Variants in ITGA8 observed in about 807,000 individuals in gnomAD.
ITGA8 encodes integrin subunit alpha 8, also known as integrin alpha-8.
ITGA8 carries 91 observed loss-of-function variants against 142.3 expected under a neutral mutation model. The ratio of observed to expected loss-of-function variants is 0.64; its 90% confidence interval spans 0.54 to 0.76. The LOEUF (loss-of-function observed/expected upper bound fraction) is 0.76, where lower values mean the gene tolerates loss of function less well. Ranked by LOEUF, ITGA8 falls within the 30% of genes least tolerant of loss-of-function variation. ITGA8 has a pLI of 0.00. For missense variants in ITGA8, 1,406 were observed against 1,327.7 expected, an observed-to-expected ratio of 1.06 and a Z score of -0.92; for synonymous variants, 505 against 485.2, an observed-to-expected ratio of 1.04 and a Z score of -0.54.
At chr10:15,558,324 G>T in intron 25 of ITGA8, 122 bp from the exon 26 acceptor site, 1 of 1,102,526 alleles carries the variant, frequency 9.1e-7, no homozygotes, top group Non-Finnish European at 1.3e-6. Context: ...TGAGGATCCA[G>T]ACCTGTGATT....
At chr10:15,699,109 C>A (rs1835111387) in intron 2 of ITGA8, among the ~76,000 whole-genome samples, 1 of 152,144 alleles carries the variant, frequency 6.6e-6, no homozygotes, top group Non-Finnish European at 1.5e-5. Context: ...CATGGTGAAA[C>A]CTCACCTCTA....
intron 2 of ITGA8, among the ~76,000 whole-genome samples, chr10:15,709,385 T>A (rs958380539): frequency 6.6e-6 from 1 of 152,206 alleles, no homozygotes; most frequent in Non-Finnish European, 1.5e-5. Context: ...TAAACCTTAC[T>A]TGGGACTAAG....
At chr10:15,603,598 G>A (rs1467133274) in intron 20 of ITGA8, among the ~76,000 whole-genome samples, 2 of 152,188 alleles carry the variant, frequency 1.3e-5, no homozygotes, top group African/African-American at 4.8e-5. Context: ...GAAGATTCAT[G>A]TTCTGATAAG....
intron 2 of ITGA8, among the ~76,000 whole-genome samples, chr10:15,707,347 G>T (rs1835278604): frequency 1.3e-5 from 2 of 152,184 alleles, no homozygotes. Flanking sequence ...AGTGGAAGAA[G>T]ATGTTGCTGC....
intron 13 of ITGA8, among the ~76,000 whole-genome samples, chr10:15,636,080 C>T (rs890311099): frequency 6.6e-6 from 1 of 152,094 alleles, no homozygotes; most frequent in African/African-American, 2.4e-5. Flanking sequence ...GGCCTTCTGC[C>T]CATGTTTTCC....
chr10:15,620,488 C>T (rs544630300), intron 13 of ITGA8, among the ~76,000 whole-genome samples: 1 of 152,110 alleles, frequency 6.6e-6, no homozygotes, highest in Non-Finnish European at 1.5e-5. Flanking sequence ...ATTTTTTCTA[C>T]TCTGGAAAAA....
chr10:15,536,845 G>A (rs1364587197), intron 27 of ITGA8, among the ~76,000 whole-genome samples: 2 of 152,182 alleles, frequency 1.3e-5, no homozygotes, highest in African/African-American at 4.8e-5. Flanking sequence ...AAACGGAGGA[G>A]TTAGCGACCT....
At chr10:15,718,936 C>T in intron 1 of ITGA8, 37 bp from the exon 2 acceptor site, 1 of 1,613,328 alleles carries the variant, frequency 6.2e-7, no homozygotes, top group Non-Finnish European at 8.5e-7. Flanking sequence ...CTTTGGGCGC[C>T]ACAAAACCGT....
intron 20 of ITGA8, among the ~76,000 whole-genome samples, chr10:15,603,439 G>A (rs998656207): frequency 4.6e-5 from 7 of 152,192 alleles, no homozygotes; most frequent in Admixed American, 2.0e-4. Flanking sequence ...CCTATGAAAG[G>A]AAACGTGAAA....
intron 26 of ITGA8, among the ~76,000 whole-genome samples, chr10:15,553,711 AG>A (rs1257848043): frequency 4.6e-5 from 7 of 152,158 alleles, no homozygotes; most frequent in African/African-American, 1.2e-4. Context: ...GACTAAAAAA[AG>A]TTATCCAGCT....
chr10:15,648,036 A>G (rs189016661), intron 11 of ITGA8, among the ~76,000 whole-genome samples: 1 of 152,238 alleles, frequency 6.6e-6, no homozygotes, highest in African/African-American at 2.4e-5. Context: ...GAGAAAAAAT[A>G]AAAAAGTGGT....
At chr10:15,528,570 G>C (rs932726377) in intron 28 of ITGA8, among the ~76,000 whole-genome samples, 1 of 145,982 alleles carries the variant, frequency 6.9e-6, no homozygotes, top group Non-Finnish European at 1.5e-5. Context: ...AGCATGTATC[G>C]GATTATTTTG....
At chr10:15,703,083 A>G (rs964515895) in intron 2 of ITGA8, among the ~76,000 whole-genome samples, 8 of 152,250 alleles carry the variant, frequency 5.3e-5, no homozygotes, top group African/African-American at 1.4e-4. Flanking sequence ...TAAGTTTCAT[A>G]TATAATCGAA....
intron 26 of ITGA8, among the ~76,000 whole-genome samples, chr10:15,552,527 T>A (rs1008714948): frequency 1.1e-4 from 16 of 152,258 alleles, no homozygotes; most frequent in African/African-American, 3.6e-4. Context: ...CATATTAGAA[T>A]TCTGTAGATG....
intron 12 of ITGA8, among the ~76,000 whole-genome samples, chr10:15,644,483 TATATATATAG>T (rs1564389039): frequency 0.012 from 225 of 19,320 alleles, 7 homozygotes; most frequent in Middle Eastern, 0.029. Context: ...TATATATATA[TATATATATAG>T]AATTTTTTTT....
intron 13 of ITGA8, among the ~76,000 whole-genome samples, chr10:15,642,961 A>G (rs7071969): frequency 0.93 from 141,789 of 152,290 alleles, 66,686 homozygotes; most frequent in Non-Finnish European, 1. Context: ...AGTAGTTGAA[A>G]CTGTCATTTA....
At chr10:15,613,459 T>C (rs1281040762) in intron 15 of ITGA8, 1 of 567,340 alleles carries the variant, frequency 1.8e-6, no homozygotes, top group Non-Finnish European at 3.2e-6. Context: ...CATCATATCA[T>C]AGGTTCTCTT....
chr10:15,587,895 G>C (rs1253518375), intron 22 of ITGA8, among the ~76,000 whole-genome samples: 1 of 152,156 alleles, frequency 6.6e-6, no homozygotes, highest in African/African-American at 2.4e-5. Context: ...TCACAAAGAG[G>C]CTCAACCAGT....
chr10:15,669,396 T>G (rs185153572), intron 8 of ITGA8, among the ~76,000 whole-genome samples: 4 of 152,212 alleles, frequency 2.6e-5, no homozygotes, highest in Non-Finnish European at 5.9e-5. Context: ...TTTTCTTCAT[T>G]GGTTATTCTA....
Sources: allele counts gnomAD v4.1 joint callset (sites outside exome capture counted in the v4.1 genomes callset), GRCh38; gene constraint gnomAD v4.1.1; transcripts MANE v1.5; gene names NCBI Gene and HGNC (gene_info 2026-07-23, HGNC 2026-07-21).